The following ELFN1 variants were observed in gnomAD, a reference collection of about 807,000 sequenced individuals.
The protein encoded by ELFN1 is protein ELFN1.
In ELFN1, 6 loss-of-function variants were observed where a neutral mutation model predicts 7.6. The observed-to-expected ratio is 0.79, with a 90% CI of 0.43 to 1.56. The LOEUF is 1.56. ELFN1 is among the 40% of genes most tolerant of loss of function. The pLI is 0.01. For synonymous variants in ELFN1, 657 were observed against 588.1 expected, an observed-to-expected ratio of 1.12 and a Z score of -1.70; for missense variants, 1,169 against 1,232.2, an observed-to-expected ratio of 0.95 and a Z score of 0.77.
chr7:1,671,146 G>T (rs923812793), intron 1 of ELFN1, among the ~76,000 whole-genome samples: 2 of 149,432 alleles, frequency 1.3e-5, no homozygotes, highest in South Asian at 4.3e-4. Flanking sequence ...GGGGCGGGGG[G>T]CACTGCCTGC....
chr7:1,683,041 T>G (rs1319057218), intron 1 of ELFN1, among the ~76,000 whole-genome samples: 1 of 152,216 alleles, frequency 6.6e-6, no homozygotes, highest in Non-Finnish European at 1.5e-5. Context: ...TTGTTGGTTT[T>G]GGTTTGCTGA....
chr7:1,695,487 T>C lies in ELFN1; in HGVS notation c.-456+7337T>C, dbSNP rs1779283443. Reference sequence around the variant, plus strand: ...GCAGCCGTGCGCGGCCACTCACACCTGTAATTCCAGCACTTTGGGAGGCTG... The same window carrying C: ...GCAGCCGTGCGCGGCCACTCACACCCGTAATTCCAGCACTTTGGGAGGCTG... On this transcript the variant is annotated intron_variant, in intron 2 of 3. Transcript: ENST00000424383. This position sits in a 1 kb window ranked among gnomAD's most constrained non-coding sequence, Gnocchi z 5.1. Among the ~76,000 whole-genome samples the C allele has an allele frequency of 6.6e-6, 1 of 152,140 alleles. No individual in the cohort carries two copies. Among genetic ancestry groups the C allele is most frequent in the Admixed American group, 6.5e-5 (1 of 15,278 alleles).
At chr7:1,679,313 A>C (rs1409530085) in intron 1 of ELFN1, among the ~76,000 whole-genome samples, 3 of 152,098 alleles carry the variant, frequency 2.0e-5, no homozygotes, top group Non-Finnish European at 4.4e-5. Flanking sequence ...GCCTGGGTCC[A>C]TTGTGCTGGC....
rs1373685327 is a variant in ELFN1, at chr7:1,683,332, GT to G, written c.-548-4718del. 4.6e-5 allele frequency among the ~76,000 whole-genome samples: 7 copies of G among 151,796 alleles called. No homozygotes were observed. The East Asian group carries it at 1.4e-3, about 29-fold the overall frequency. Reference sequence around the variant, plus strand: ...TTTTAACTTGTTATGTCTTAGTTTAGTTTTTTTTGTTTTTGTTTTACTGGTT... The same window carrying G: ...TTTTAACTTGTTATGTCTTAGTTTAGTTTTTTTGTTTTTGTTTTACTGGTT... On this transcript the variant is annotated intron_variant, in intron 1 of 3. Transcript: ENST00000424383.
upstream of ELFN1, among the ~76,000 whole-genome samples, chr7:1,667,976 G>GGC (rs1778698161): frequency 7.2e-6 from 1 of 139,754 alleles, no homozygotes; most frequent in Admixed American, 7.0e-5. The surrounding 1 kb of genome is among the most constrained non-coding windows in gnomAD (Gnocchi z 8.2). Context: ...GGGGGGGGGG[G>GGC]GCGGCCGCGA....
chr7:1,747,284 G>A lies in ELFN1; in HGVS notation c.*201G>A, dbSNP rs914599487. The A allele has an allele frequency of 1.1e-5, 5 of 468,462 alleles. No homozygotes were observed. Among genetic ancestry groups the A allele is most frequent in the South Asian group, 4.2e-5 (1 of 23,874 alleles). 29.0% of individuals were successfully genotyped at this position (468,462 alleles called of 1,614,324 possible). A position where few individuals can be genotyped will look rare whatever the true frequency, so the allele number is the denominator to read the frequency against. On this transcript the variant is annotated 3_prime_UTR_variant, in exon 4 of 4. Coordinates refer to ENST00000424383, the MANE Select transcript of ELFN1 (RefSeq NM_001128636.4). ...TGGCCGGTCCTGGGATGCGCTTGTC[G>A]CCCCGGGTGGCACGTGTCCACACAC... is the stretch of plus-strand genomic sequence containing the variant.
At chr7:1,701,090 C>CGTGTGTGTGT (rs1779418408) in intron 2 of ELFN1, among the ~76,000 whole-genome samples, 1 of 150,074 alleles carries the variant, frequency 6.7e-6, no homozygotes, top group Non-Finnish European at 1.5e-5. Flanking sequence ...TGTGTGTGTG[C>CGTGTGTGTGT]GCGTGTGTGT....
chr7:1,678,558 T>C (rs1312794250), intron 1 of ELFN1, among the ~76,000 whole-genome samples: 1 of 152,168 alleles, frequency 6.6e-6, no homozygotes, highest in Non-Finnish European at 1.5e-5. Context: ...TGGGACACCC[T>C]TGGGCCCCCA....
chr7:1,689,150 C>A (rs1201221145), intron 2 of ELFN1, among the ~76,000 whole-genome samples: 1 of 152,206 alleles, frequency 6.6e-6, no homozygotes, highest in African/African-American at 2.4e-5. Flanking sequence ...CCTGGTGATT[C>A]ATTCAAGTTG....
intron 2 of ELFN1, among the ~76,000 whole-genome samples, chr7:1,698,011 G>C (rs1010977072): frequency 6.6e-6 from 1 of 152,218 alleles, no homozygotes; most frequent in Non-Finnish European, 1.5e-5. Flanking sequence ...AAGGCAGCAG[G>C]CTTGGAGAAG....
chr7:1,672,341 G>A, intron 1 of ELFN1, among the ~76,000 whole-genome samples: 1 of 152,118 alleles, frequency 6.6e-6, no homozygotes, highest in East Asian at 1.9e-4. Flanking sequence ...CCACACCTGG[G>A]CCAGGGAGAG....
At chr7:1,720,014 C>T (rs573593109) in intron 3 of ELFN1, among the ~76,000 whole-genome samples, 36 of 152,208 alleles carry the variant, frequency 2.4e-4, no homozygotes, top group African/African-American at 7.7e-4. Flanking sequence ...ACCATCTCCT[C>T]TGCAAACCCC....
In ELFN1 at chr7:1,747,247, C is replaced by A; in HGVS notation, c.*164C>A. The A allele has an allele frequency of 1.2e-6, 1 of 802,868 alleles. No homozygotes were observed. The highest frequency in any genetic ancestry group is 1.8e-6 in the Non-Finnish European group (1 of 552,550). The allele number at this position is 802,868 out of a possible 1,614,324, so 49.7% of individuals were successfully genotyped here. ...GTGGGGACAGACAAGGGGGACACGT[C>A]CCGAGCTCCTGTGGCCGGTCCTGGG... On this transcript the variant is annotated 3_prime_UTR_variant, in exon 4 of 4. Coordinates refer to ENST00000424383, the MANE Select transcript of ELFN1 (RefSeq NM_001128636.4).
At chr7:1,719,839 A>G (rs1292393842) in intron 3 of ELFN1, among the ~76,000 whole-genome samples, 1 of 116,930 alleles carries the variant, frequency 8.6e-6, no homozygotes, top group African/African-American at 3.4e-5. Flanking sequence ...CTCCCCCAAC[A>G]CCGCCTCTGC....
intron 3 of ELFN1, among the ~76,000 whole-genome samples, chr7:1,716,491 G>A (rs1779836725): frequency 6.6e-6 from 1 of 152,264 alleles, no homozygotes; most frequent in Admixed American, 6.5e-5. Flanking sequence ...GTGGGCGTAT[G>A]TCTGTGTGTG....
intron 3 of ELFN1, among the ~76,000 whole-genome samples, chr7:1,725,976 C>G (rs1441170043): frequency 1.3e-5 from 2 of 151,806 alleles, no homozygotes; most frequent in African/African-American, 4.8e-5. Flanking sequence ...ACACAAAAAT[C>G]ACACACACAT....
In ELFN1 at chr7:1,745,425, C is replaced by A; in HGVS notation, c.829C>A (p.Pro277Thr). Residue 277 changes from proline to threonine, a missense_variant, in exon 4 of 4, where the codon CCG becomes ACG. Pro to Thr is a conservative substitution (Grantham distance 38). This residue lies in a region of ELFN1 where 914 missense variants were observed against 872.6 expected (regional missense o/e 1.05). Transcript: ENST00000424383. The part of the protein sequence containing the change: ...SGRSQPGRSP[P>T]PPPPPEPSDM... ...GCGCTCACAGCCGGGCCGCTCCCCG[C>A]CGCCCCCGCCTCCGCCGGAGCCCAG... is the stretch of plus-strand genomic sequence containing the variant. The A allele has an allele frequency of 2.8e-5, 43 of 1,539,354 alleles. No individual in the cohort carries two copies. Among genetic ancestry groups the A allele is most frequent in the Non-Finnish European group, 3.7e-5 (42 of 1,146,150 alleles).
chr7:1,725,057 C>T (rs1055287790), intron 3 of ELFN1, among the ~76,000 whole-genome samples: 1 of 152,220 alleles, frequency 6.6e-6, no homozygotes, highest in Admixed American at 6.5e-5. Context: ...AGCCCTGCAC[C>T]CCAGAGGGTG....
chr7:1,684,159 A>T (rs987715278), intron 1 of ELFN1, among the ~76,000 whole-genome samples: 44 of 151,662 alleles, frequency 2.9e-4, no homozygotes, highest in Middle Eastern at 3.4e-3. Flanking sequence ...CCCCAAAAAA[A>T]TTTTTTACCT....
Sources: allele counts gnomAD v4.1 joint callset (sites outside exome capture counted in the v4.1 genomes callset), GRCh38; gene constraint gnomAD v4.1.1; regional missense constraint gnomAD v4.1.1; non-coding constraint Gnocchi (gnomAD v3.1); transcripts MANE v1.5; gene names NCBI Gene and HGNC (gene_info 2026-07-23, HGNC 2026-07-21).